Variants in ADAM28 observed in about 807,000 individuals in gnomAD.
ADAM28 encodes the protein disintegrin and metalloproteinase domain-containing protein 28.
A neutral mutation model predicts 101.2 loss-of-function variants in ADAM28; 105 were observed. That is an observed-to-expected ratio of 1.04 (90% CI 0.89 to 1.22). The LOEUF (loss-of-function observed/expected upper bound fraction) is 1.22. Ranked by LOEUF, ADAM28 falls within the 50% of genes most tolerant of loss-of-function variation. The probability of loss-of-function intolerance (pLI) is 0.00; values close to 1 mark genes in which losing one functional copy is unlikely to be tolerated. For synonymous variants in ADAM28, 322 were observed against 310.6 expected, an observed-to-expected ratio of 1.04 and a Z score of -0.39; for missense variants, 1,028 against 945.4, an observed-to-expected ratio of 1.09 and a Z score of -1.15.
chr8:24,298,343 T>C (rs574350503), intron 1 of ADAM28, among the ~76,000 whole-genome samples: 1 of 152,288 alleles, frequency 6.6e-6, no homozygotes, highest in South Asian at 2.1e-4. Flanking sequence ...GTTTAAACCC[T>C]TTTTCTGTTC....
chr8:24,334,076 C>T (rs1813702785), intron 13 of ADAM28, among the ~76,000 whole-genome samples: 1 of 152,084 alleles, frequency 6.6e-6, no homozygotes, highest in Non-Finnish European at 1.5e-5. Context: ...AGAACTTAAG[C>T]AGTACTCAAA....
At chr8:24,336,900 C>T (rs1217706954) in intron 14 of ADAM28, among the ~76,000 whole-genome samples, 1 of 152,128 alleles carries the variant, frequency 6.6e-6, no homozygotes, top group Non-Finnish European at 1.5e-5. Context: ...ACTTAAATGA[C>T]TGAAACAATA....
At chr8:24,345,953 C>G (rs1412221340) in intron 18 of ADAM28, among the ~76,000 whole-genome samples, 2 of 151,950 alleles carry the variant, frequency 1.3e-5, no homozygotes, top group African/African-American at 4.8e-5. Flanking sequence ...ATCCCCCAAG[C>G]CTTGTTTTTT....
At chr8:24,320,563 G>GT (rs752941606) in intron 7 of ADAM28, among the ~76,000 whole-genome samples, 17 of 151,968 alleles carry the variant, frequency 1.1e-4, no homozygotes, top group Non-Finnish European at 2.5e-4. Flanking sequence ...TGACTTAAGA[G>GT]TACCCAACTT....
In ADAM28 at chr8:24,341,773, G is replaced by A; in HGVS notation, c.1830+16G>A. 5.6e-6 allele frequency: 9 copies of A among 1,613,028 alleles called. No individual in the cohort carries two copies. Among genetic ancestry groups the A allele is most frequent in the Non-Finnish European group, 7.6e-6 (9 of 1,179,426 alleles). ...CGATAACAAGGTAAGTTGAAATTGT[G>A]GCTTTCACTCAAAATAGTGTTTTTT... On this transcript the variant is annotated intron_variant, in intron 16 of 22. Coordinates refer to ENST00000265769, the MANE Select transcript of ADAM28 (RefSeq NM_014265.6).
chr8:24,351,395 T>C (rs1816117455), intron 20 of ADAM28, 85 bp downstream of exon 20: 1 of 1,367,550 alleles, frequency 7.3e-7, no homozygotes, highest in African/African-American at 1.4e-5. Context: ...TATCTATCAT[T>C]TCTACCCAGC....
intron 18 of ADAM28, among the ~76,000 whole-genome samples, chr8:24,346,322 A>G (rs1350259994): frequency 6.6e-6 from 1 of 152,052 alleles, no homozygotes; most frequent in East Asian, 1.9e-4. Context: ...GTATCTCCAA[A>G]TACCCCATGA....
intron 20 of ADAM28, 114 bp from the exon 21 acceptor site, chr8:24,351,873 G>A: frequency 1.1e-6 from 1 of 899,634 alleles, no homozygotes. Context: ...TGGTCTCTTG[G>A]TGTCAGCTTA....
chr8:24,330,961 A>G (rs1479125533), intron 11 of ADAM28, among the ~76,000 whole-genome samples, 189 bp from the exon 12 acceptor site: 2 of 152,112 alleles, frequency 1.3e-5, no homozygotes, highest in African/African-American at 4.8e-5. Context: ...AAATATGACT[A>G]TATTTTCTCA....
At chr8:24,329,659 A>C (rs1813074328) in intron 10 of ADAM28, among the ~76,000 whole-genome samples, 1 of 152,158 alleles carries the variant, frequency 6.6e-6, no homozygotes, top group East Asian at 1.9e-4. Flanking sequence ...AGGCAAGCCA[A>C]ATGTAAGGGA....
rs763421027 is a variant in ADAM28, at chr8:24,294,194, A to C, written c.45A>C (p.Ala15=). ...CAGTCAGTCTCCTCCTCTCTGTTGCAGGTACATATTTAGCTCTTTTTCAGG... is the reference window on the plus strand; with the variant it reads ...CAGTCAGTCTCCTCCTCTCTGTTGCCGGTACATATTTAGCTCTTTTTCAGG... The part of the protein sequence containing the change: ...LLPVSLLLSV[A]VSAIKELPGV... Residue 15 remains alanine (A), a splice_region_variant and synonymous_variant, in exon 1 of 23, where the codon GCA becomes GCC. Transcript: ENST00000265769. The C allele has an allele frequency of 1.2e-6, 2 of 1,614,128 alleles. No homozygotes were observed. The highest frequency in any genetic ancestry group is 1.7e-6 in the Non-Finnish European group (2 of 1,179,968).
intron 2 of ADAM28, among the ~76,000 whole-genome samples, chr8:24,304,982 A>T (rs918443512): frequency 6.6e-6 from 1 of 151,434 alleles, no homozygotes; most frequent in Non-Finnish European, 1.5e-5. Flanking sequence ...TCCAGTTCTT[A>T]TGACTAATTT....
At chr8:24,312,916 T>G (rs959509289) in intron 5 of ADAM28, among the ~76,000 whole-genome samples, 4 of 152,198 alleles carry the variant, frequency 2.6e-5, no homozygotes, top group African/African-American at 4.8e-5. Flanking sequence ...CTATATTAGG[T>G]AGGTATTAAG....
intron 2 of ADAM28, among the ~76,000 whole-genome samples, chr8:24,309,345 A>T (rs1810125200): frequency 6.6e-6 from 1 of 152,132 alleles, no homozygotes; most frequent in Non-Finnish European, 1.5e-5. Context: ...AAATCATGAG[A>T]TGTGATAGAA....
chr8:24,309,569 T>G (rs1447144752), intron 2 of ADAM28, among the ~76,000 whole-genome samples: 1 of 152,182 alleles, frequency 6.6e-6, no homozygotes, highest in South Asian at 2.1e-4. Flanking sequence ...TCTCTGACAG[T>G]ACGTACCAAT....
chr8:24,339,405 A>C (rs1356539121), intron 14 of ADAM28, 61 bp from the exon 15 acceptor site: 1 of 1,267,672 alleles, frequency 7.9e-7, no homozygotes, highest in African/African-American at 1.5e-5. Context: ...TTTTATTTTC[A>C]AGTATCTCTT....
At chr8:24,352,176 T>C (rs1213448951) in intron 21 of ADAM28, 124 bp downstream of exon 21, 1 of 857,984 alleles carries the variant, frequency 1.2e-6, no homozygotes, top group Middle Eastern at 2.3e-4. Flanking sequence ...TGAATATTAA[T>C]ATAAAATACA....
rs537891081 is a variant in ADAM28, at chr8:24,330,037, G to A, written c.1025G>A (p.Gly342Asp). The A allele has an allele frequency of 6.2e-6, 10 of 1,613,742 alleles. No homozygotes were observed. In the South Asian group the frequency reaches 7.7e-5, roughly 12 times the overall value. Residue 342 changes from glycine (G) to aspartate (D), a missense_variant, in exon 11 of 23, where the codon GGC (glycine) becomes GAC (aspartate). By Grantham distance (94) the Gly-to-Asp change is moderately conservative. Transcript: ENST00000265769. Reference protein sequence around the residue: ...RVAGTMAHEMGHNFGMFHDDY... With the variant: ...RVAGTMAHEMDHNFGMFHDDY... ...GCAGGGACAATGGCACATGAAATGG[G>A]CCACAACTTTGGAATGTTTCATGAC...
chr8:24,351,228 ACAGGCCACTATCTACCACTGGCAC>A lies in ADAM28; in HGVS notation c.2105_2128del (p.Leu702_Pro709del). ...AATTGATATCATGTGTTTCTCTCTT[ACAGGCCACTATCTACCACTGGCAC>A]CAGGCCACACAAACAGAAGAGGAAA... On this transcript the variant is annotated splice_acceptor_variant and splice_polypyrimidine_tract_variant and coding_sequence_variant and intron_variant, in exon 20 of 23. Coordinates refer to ENST00000265769, the MANE Select transcript of ADAM28 (RefSeq NM_014265.6). LOFTEE classifies it high-confidence loss of function. The A allele has an allele frequency of 1.3e-5, 20 of 1,579,306 alleles. No homozygotes were observed. The highest frequency in any genetic ancestry group is 1.5e-5 in the Non-Finnish European group (18 of 1,165,166).
Sources: allele counts gnomAD v4.1 joint callset (sites outside exome capture counted in the v4.1 genomes callset), GRCh38; gene constraint gnomAD v4.1.1; transcripts MANE v1.5; gene names NCBI Gene and HGNC (gene_info 2026-07-23, HGNC 2026-07-21).